The following ITGBL1 variants were observed in gnomAD, a reference collection of about 807,000 sequenced individuals.
ITGBL1 encodes the protein integrin beta-like protein 1.
In ITGBL1, 51 loss-of-function variants were observed where a neutral mutation model predicts 68.5. The ratio of observed to expected loss-of-function variants is 0.74; its 90% CI spans 0.59 to 0.94. ITGBL1 has a LOEUF of 0.94. Ranked by LOEUF, ITGBL1 falls within the 40% of genes least tolerant of loss-of-function variation. ITGBL1 has a pLI of 0.00. For synonymous variants in ITGBL1, 209 were observed against 227.3 expected (o/e 0.92, Z 0.72); for missense variants, 649 against 647.4 (o/e 1.00, Z -0.03).
intron 2 of ITGBL1, among the ~76,000 whole-genome samples, chr13:101,525,855 A>G (rs1053122428): frequency 2.6e-5 from 4 of 152,068 alleles, no homozygotes; most frequent in Admixed American, 1.3e-4. Flanking sequence ...ATATACATAT[A>G]TCATTGTTTT....
downstream of ITGBL1, chr13:101,717,638 A>T (rs917958954): frequency 6.6e-6 from 1 of 151,838 alleles, no homozygotes; most frequent in Non-Finnish European, 1.5e-5. Context: ...AACTTTACGG[A>T]CCACGTACGT....
intron 4 of ITGBL1, among the ~76,000 whole-genome samples, chr13:101,579,055 TC>T (rs1308217038): frequency 6.6e-6 from 1 of 152,174 alleles, no homozygotes; most frequent in African/African-American, 2.4e-5. Context: ...TTTAATCAGT[TC>T]CCTGTCTAGG....
At chr13:101,537,401 C>T (rs1441733708) in intron 2 of ITGBL1, among the ~76,000 whole-genome samples, 1 of 151,932 alleles carries the variant, frequency 6.6e-6, no homozygotes, top group East Asian at 1.9e-4. Context: ...GAAACTTAAT[C>T]TTTAGAAAAA....
chr13:101,560,294 A>G (rs1166954441), intron 2 of ITGBL1, among the ~76,000 whole-genome samples: 1 of 152,214 alleles, frequency 6.6e-6, no homozygotes, highest in African/African-American at 2.4e-5. Context: ...GGAAAATAGG[A>G]CACAAAACAG....
At chr13:101,522,353 GAGA>G (rs1420049857) in intron 2 of ITGBL1, among the ~76,000 whole-genome samples, 4 of 152,204 alleles carry the variant, frequency 2.6e-5, no homozygotes, top group African/African-American at 7.2e-5. Flanking sequence ...CTACAAGAAG[GAGA>G]AGAAGAAAGA....
At position 101,598,139 on chromosome 13, in the gene ITGBL1, C is replaced by A; in HGVS notation, c.869-14C>A. 1 of 1,579,480 alleles carries A rather than the reference C, an allele frequency of 6.3e-7. No homozygotes were observed. The highest frequency in any genetic ancestry group is 8.6e-7 in the Non-Finnish European group (1 of 1,167,396). The stretch of plus-strand genomic sequence containing the variant: ...TTATGTACATTTTTATTTTTTGCCA[C>A]TCTCACTGTGAAGGTCATGGACAGT... On this transcript the variant is annotated splice_polypyrimidine_tract_variant and intron_variant, in intron 6 of 10. Transcript: ENST00000376180.
chr13:101,567,781 C>T lies in ITGBL1; in HGVS notation c.399C>T (p.Asp133=), dbSNP rs776242225. ...GDACQYPTNC[D]LTKKKSNQMC... ...CTTGCCAGTACCCAACTAACTGTGA[C>T]TTGACAAAGAAGAAAAGTAACCAAA... The change falls in exon 3 of 11, where the codon GAC becomes GAT. Residue 133 remains aspartate, a synonymous_variant. Transcript: ENST00000376180. 3.1e-6 allele frequency: 5 copies of T among 1,613,234 alleles called. No homozygotes were observed. In the South Asian group the frequency reaches 4.4e-5, roughly 14 times the overall value.
intron 7 of ITGBL1, among the ~76,000 whole-genome samples, chr13:101,683,357 C>T (rs999448728): frequency 6.6e-6 from 1 of 151,958 alleles, no homozygotes; most frequent in Non-Finnish European, 1.5e-5. Flanking sequence ...ACTGAGTTCT[C>T]GCACTCTACA....
chr13:101,466,462 T>A (rs540781613), intron 2 of ITGBL1, among the ~76,000 whole-genome samples: 2 of 152,334 alleles, frequency 1.3e-5, no homozygotes, highest in South Asian at 4.1e-4. Context: ...AATCTAAATT[T>A]TGGCTTCTAA....
chr13:101,572,173 C>T (rs2050284145), intron 3 of ITGBL1, among the ~76,000 whole-genome samples: 1 of 152,126 alleles, frequency 6.6e-6, no homozygotes, highest in African/African-American at 2.4e-5. Flanking sequence ...CTTCCACCCT[C>T]CGAGTTCAGG....
chr13:101,713,030 A>G (rs920508661), intron 9 of ITGBL1: 12 of 152,204 alleles, frequency 7.9e-5, no homozygotes, highest in African/African-American at 2.9e-4. Context: ...ACTAAATACA[A>G]TTATGCCATA....
rs145337252 is a variant in ITGBL1, at chr13:101,562,365, T to G, written c.317-5334T>G. ...ATGTAAAAAATCATGTTAAATGTGA[T>G]CTCTTTAAACTCACCAGTTAAAAGA... On this transcript the variant is annotated intron_variant, in intron 2 of 10. Transcript: ENST00000376180. 7.2e-5 allele frequency among the ~76,000 whole-genome samples: 11 copies of G among 152,172 alleles called. No individual in the cohort carries two copies. The East Asian group carries it at 1.9e-3, about 27-fold the overall frequency.
chr13:101,637,889 A>G (rs567605432), intron 7 of ITGBL1, among the ~76,000 whole-genome samples: 1 of 152,304 alleles, frequency 6.6e-6, no homozygotes, highest in East Asian at 1.9e-4. Context: ...TAAGGCATAG[A>G]TCTATAATGA....
At chr13:101,580,892 A>T (rs2050446199) in intron 5 of ITGBL1, among the ~76,000 whole-genome samples, 1 of 152,224 alleles carries the variant, frequency 6.6e-6, no homozygotes, top group African/African-American at 2.4e-5. Flanking sequence ...TGCTTGGAGC[A>T]TTCTGACCTG....
chr13:101,521,612 T>C (rs2049285942), intron 2 of ITGBL1, among the ~76,000 whole-genome samples: 1 of 151,366 alleles, frequency 6.6e-6, no homozygotes, highest in Non-Finnish European at 1.5e-5. Flanking sequence ...TGCCATGGAG[T>C]CTCATCGAAC....
chr13:101,650,763 C>A (rs8001658), intron 7 of ITGBL1, among the ~76,000 whole-genome samples: 4,987 of 152,046 alleles, frequency 0.033, 303 homozygotes, highest in African/African-American at 0.11. Context: ...CACCCATTAG[C>A]TTTTCTTCCT....
intron 7 of ITGBL1, among the ~76,000 whole-genome samples, chr13:101,637,990 A>G (rs556662793): frequency 4.6e-5 from 7 of 152,338 alleles, no homozygotes; most frequent in Admixed American, 2.6e-4. Flanking sequence ...CTTGAAAGGA[A>G]TATTCCTGTT....
At chr13:101,544,896 A>G (rs960895262) in intron 2 of ITGBL1, among the ~76,000 whole-genome samples, 1 of 152,150 alleles carries the variant, frequency 6.6e-6, no homozygotes, top group Non-Finnish European at 1.5e-5. Flanking sequence ...TGCTAAGACC[A>G]TTGGAAAAGC....
At chr13:101,568,665 G>A (rs2050220575) in intron 3 of ITGBL1, among the ~76,000 whole-genome samples, 1 of 152,060 alleles carries the variant, frequency 6.6e-6, no homozygotes, top group African/African-American at 2.4e-5. Context: ...AGATGAGTGT[G>A]TGACCCATTG....
Sources: gnomAD v4.1 joint callset for allele counts (sites outside exome capture counted in the v4.1 genomes callset) on GRCh38, gnomAD v4.1.1 for gene constraint, MANE v1.5 for transcripts, NCBI Gene and HGNC (gene_info 2026-07-23, HGNC 2026-07-21) for gene names.